The following RERG variants were observed in gnomAD, a reference collection of about 807,000 sequenced individuals.
RERG encodes ras-related and estrogen-regulated growth inhibitor.
Under a neutral mutation model 23.2 loss-of-function variants are expected in RERG, and 25 were observed. That is an observed-to-expected ratio of 1.08 (90% confidence interval 0.79 to 1.50). The LOEUF is 1.50. RERG is among the 40% of genes most tolerant of loss of function. The probability of loss-of-function intolerance (pLI) is 0.00; values close to 1 mark genes in which losing one functional copy is unlikely to be tolerated. For synonymous variants in RERG, 81 were observed against 89.1 expected, an observed-to-expected ratio of 0.91 and a Z score of 0.51; for missense variants, 253 against 250.1, an observed-to-expected ratio of 1.01 and a Z score of -0.08.
intron 2 of RERG, among the ~76,000 whole-genome samples, chr12:15,161,301 G>C (rs1281334648): frequency 1.3e-5 from 2 of 152,152 alleles, no homozygotes; most frequent in Non-Finnish European, 2.9e-5. Context: ...GTGTCACACA[G>C]TATAATCTGT....
intron 2 of RERG, among the ~76,000 whole-genome samples, chr12:15,180,027 C>T (rs1014726287): frequency 6.6e-6 from 1 of 151,888 alleles, no homozygotes; most frequent in African/African-American, 2.4e-5. Context: ...AAAATTCACA[C>T]ATATGAACTT....
At chr12:15,139,873 A>C (rs1864207191) in intron 2 of RERG, among the ~76,000 whole-genome samples, 1 of 152,078 alleles carries the variant, frequency 6.6e-6, no homozygotes, top group African/African-American at 2.4e-5. Flanking sequence ...GAAAGAGGGG[A>C]TATCCTTGCC....
chr12:15,111,256 GAAGAA>G (rs1233274603), intron 4 of RERG, 83 bp downstream of exon 4: 2 of 975,508 alleles, frequency 2.1e-6, no homozygotes, highest in Non-Finnish European at 1.6e-6. Flanking sequence ...AAAGTTAGTT[GAAGAA>G]AAGTGCCTTA....
chr12:15,116,117 A>G lies in RERG; in HGVS notation c.119-4700T>C, dbSNP rs1007423147. 6.6e-5 allele frequency among the ~76,000 whole-genome samples: 10 copies of G among 152,316 alleles called. No homozygotes were observed. The South Asian group carries it at 1.5e-3, about 22-fold the overall frequency. Reference sequence around the variant, plus strand: ...TTTGTATGATTTAATGCTCTAAAATACTATTTACAGCAGCCACTTGTCTCC... The same window carrying G: ...TTTGTATGATTTAATGCTCTAAAATGCTATTTACAGCAGCCACTTGTCTCC... On this transcript the variant is annotated intron_variant, in intron 3 of 4. Coordinates refer to ENST00000256953, the MANE Select transcript of RERG (RefSeq NM_032918.3).
chr12:15,146,699 G>C (rs1425220965), intron 2 of RERG, among the ~76,000 whole-genome samples: 1 of 152,162 alleles, frequency 6.6e-6, no homozygotes, highest in African/African-American at 2.4e-5. Context: ...TAGAACCAAA[G>C]CATGTAAAGT....
intron 2 of RERG, chr12:15,154,194 G>C (rs752034442): frequency 6.6e-6 from 1 of 152,178 alleles, no homozygotes; most frequent in Non-Finnish European, 1.5e-5. Context: ...TAGCAAACTA[G>C]TACAGTTATA....
At chr12:15,150,852 G>A (rs1864428315) in intron 2 of RERG, among the ~76,000 whole-genome samples, 1 of 152,218 alleles carries the variant, frequency 6.6e-6, no homozygotes, top group African/African-American at 2.4e-5. Context: ...GGGCTGAACT[G>A]CTGTTCACCA....
chr12:15,160,850 G>A (rs1166346440), intron 2 of RERG, among the ~76,000 whole-genome samples: 1 of 151,992 alleles, frequency 6.6e-6, no homozygotes, highest in Non-Finnish European at 1.5e-5. Context: ...AGAAACAGGG[G>A]CATCGTCTGG....
At chr12:15,130,469 T>A (rs967156031) in intron 2 of RERG, among the ~76,000 whole-genome samples, 1 of 152,190 alleles carries the variant, frequency 6.6e-6, no homozygotes, top group African/African-American at 2.4e-5. Flanking sequence ...TCTCTTCATA[T>A]AGTGATTATT....
chr12:15,205,420 C>A (rs1339380842), intron 2 of RERG, among the ~76,000 whole-genome samples: 1 of 151,982 alleles, frequency 6.6e-6, no homozygotes, highest in Admixed American at 6.6e-5. Context: ...CCTGATTTTA[C>A]CTCTTTTGGA....
At position 15,163,802 on chromosome 12, in the gene RERG, C is replaced by T. The variant is rs548795792; in HGVS notation, c.62-42683G>A. On this transcript the variant is annotated intron_variant, in intron 2 of 4. Coordinates refer to ENST00000256953, the MANE Select transcript of RERG (RefSeq NM_032918.3). The stretch of plus-strand genomic sequence containing the variant: ...AGTGAAGACTGCCTAGTGGGAAAGA[C>T]GATCATTGAAGGAGGAGCTTTCTTA... Among the ~76,000 whole-genome samples, 74 of 152,092 alleles carry T rather than the reference C, an allele frequency of 4.9e-4. No individual in the cohort carries two copies. The South Asian group carries it at 0.014, about 29-fold the overall frequency.
At chr12:15,206,834 T>A (rs537844371) in intron 2 of RERG, among the ~76,000 whole-genome samples, 1 of 152,282 alleles carries the variant, frequency 6.6e-6, no homozygotes, top group South Asian at 2.1e-4. Flanking sequence ...ATAGGATAGA[T>A]ATTTGGGCCA....
At chr12:15,194,230 TAACA>T (rs991339449) in intron 2 of RERG, among the ~76,000 whole-genome samples, 1 of 152,108 alleles carries the variant, frequency 6.6e-6, no homozygotes, top group African/African-American at 2.4e-5. Flanking sequence ...GCGCTCTAAA[TAACA>T]AACACTGGTT....
intron 2 of RERG, among the ~76,000 whole-genome samples, chr12:15,172,239 T>C (rs1591657350): frequency 1.3e-5 from 2 of 152,322 alleles, no homozygotes; most frequent in South Asian, 4.1e-4. Context: ...CAATATGTGG[T>C]CTTTTATGAC....
At chr12:15,110,770 G>A (rs1287147528) in intron 4 of RERG, among the ~76,000 whole-genome samples, 2 of 152,054 alleles carry the variant, frequency 1.3e-5, no homozygotes, top group Non-Finnish European at 2.9e-5. Flanking sequence ...GAGCCACCGT[G>A]CCCAGCCAGT....
chr12:15,168,987 T>G (rs10846156), intron 2 of RERG, among the ~76,000 whole-genome samples: 31,406 of 152,132 alleles, frequency 0.21, 3,303 homozygotes, highest in East Asian at 0.28. Context: ...AAGGTTTTTT[T>G]TTGTTGTTGT....
At chr12:15,134,432 G>T (rs1864108856) in intron 2 of RERG, among the ~76,000 whole-genome samples, 1 of 151,696 alleles carries the variant, frequency 6.6e-6, no homozygotes, top group Non-Finnish European at 1.5e-5. Flanking sequence ...TGTGTGGGTC[G>T]ATTTCTGATT....
chr12:15,190,355 T>C (rs143047282), intron 2 of RERG, among the ~76,000 whole-genome samples: 3,083 of 152,266 alleles, frequency 0.02, 50 homozygotes, highest in Non-Finnish European at 0.032. Context: ...TTAAGAAAGT[T>C]TAAGAATTTG....
At chr12:15,195,662 G>A (rs369896524) in intron 2 of RERG, among the ~76,000 whole-genome samples, 22 of 150,762 alleles carry the variant, frequency 1.5e-4, no homozygotes, top group African/African-American at 3.9e-4. Context: ...GCATCTATTC[G>A]TCTCAAATTG....
Sources: gnomAD v4.1 joint callset for allele counts (sites outside exome capture counted in the v4.1 genomes callset) on GRCh38, gnomAD v4.1.1 for gene constraint, MANE v1.5 for transcripts, NCBI Gene and HGNC (gene_info 2026-07-23, HGNC 2026-07-21) for gene names.